NRG1: variants seen among roughly 807,000 people sequenced by gnomAD.
NRG1 encodes the protein pro-neuregulin-1, membrane-bound isoform.
A neutral mutation model predicts 63.8 loss-of-function variants in NRG1; 18 were observed. The observed-to-expected ratio is 0.28, with a 90% CI of 0.19 to 0.42. The LOEUF (loss-of-function observed/expected upper bound fraction) is 0.42. Among genes scored for constraint, NRG1 ranks in the 10% least tolerant of loss-of-function variants. The probability of loss-of-function intolerance (pLI) is 1.00; values close to 1 mark genes in which losing one functional copy is unlikely to be tolerated. For missense variants in NRG1, 762 were observed against 814.7 expected (o/e 0.94, Z 0.79); for synonymous variants, 302 against 301.3 (o/e 1.00, Z -0.02).
At chr8:32,311,381 AG>A (rs1185968862) in intron 1 of NRG1, among the ~76,000 whole-genome samples, 1 of 152,192 alleles carries the variant, frequency 6.6e-6, no homozygotes, top group Non-Finnish European at 1.5e-5. Flanking sequence ...GGTCAGGCAA[AG>A]CTTTGCCAAA....
chr8:31,811,162 C>A (rs566282832), intron 1 of NRG1, among the ~76,000 whole-genome samples: 9 of 152,344 alleles, frequency 5.9e-5, no homozygotes, highest in Non-Finnish European at 8.8e-5. Context: ...ACTAGACCAG[C>A]TGTTCACACC....
At chr8:32,261,002 C>T (rs1405993228) in intron 1 of NRG1, among the ~76,000 whole-genome samples, 2 of 152,112 alleles carry the variant, frequency 1.3e-5, no homozygotes, top group Non-Finnish European at 2.9e-5. Context: ...AAAATAAACA[C>T]TTTAATAGTT....
At chr8:31,855,131 C>T (rs1403314825) in intron 1 of NRG1, among the ~76,000 whole-genome samples, 1 of 151,974 alleles carries the variant, frequency 6.6e-6, no homozygotes, top group African/African-American at 2.4e-5. Flanking sequence ...ATTAGGTCTG[C>T]TTGGTGCAGA....
intron 1 of NRG1, among the ~76,000 whole-genome samples, chr8:32,417,774 G>C (rs558631307): frequency 1.3e-5 from 2 of 152,228 alleles, no homozygotes; most frequent in Non-Finnish European, 2.9e-5. Flanking sequence ...AGATCATTTA[G>C]CTTAAGAGTT....
intron 1 of NRG1, chr8:31,639,998 G>T (rs1156678548): frequency 3.0e-5 from 34 of 1,125,898 alleles, no homozygotes; most frequent in Non-Finnish European, 3.5e-5. Context: ...AGATGGCGAC[G>T]CGCCCCGCGC....
chr8:32,461,566 C>T (rs769603071), intron 1 of NRG1, among the ~76,000 whole-genome samples: 10 of 151,950 alleles, frequency 6.6e-5, no homozygotes, highest in African/African-American at 9.7e-5. Context: ...GGTGTGGTGG[C>T]GGGCGCCTGT....
chr8:31,987,548 C>T (rs143024234), intron 1 of NRG1, among the ~76,000 whole-genome samples: 2,327 of 151,842 alleles, frequency 0.015, 30 homozygotes, highest in Middle Eastern at 0.054. Flanking sequence ...ACTGAGTATG[C>T]ATGTACACAA....
chr8:32,678,991 G>A (rs920947611), intron 5 of NRG1, among the ~76,000 whole-genome samples: 3 of 151,708 alleles, frequency 2.0e-5, no homozygotes, highest in African/African-American at 4.8e-5. Flanking sequence ...AAAAAGAATG[G>A]CATTAAAAAA....
In NRG1 at chr8:32,758,232, C is replaced by T. The variant is rs978895519; in HGVS notation, c.922-1074C>T. 7.2e-5 allele frequency among the ~76,000 whole-genome samples: 11 copies of T among 152,056 alleles called. No homozygotes were observed. In the South Asian group the frequency reaches 2.3e-3, roughly 32 times the overall value. ...TTAAAACACAACTTCAAAAAGGGGC[C>T]TCCCTCCCTAATAGAAACAGTAAAA... On this transcript the variant is annotated intron_variant, in intron 9 of 11. Transcript: ENST00000356819.
At chr8:32,297,485 G>C (rs1213262526) in intron 1 of NRG1, among the ~76,000 whole-genome samples, 1 of 152,180 alleles carries the variant, frequency 6.6e-6, no homozygotes, top group Non-Finnish European at 1.5e-5. Flanking sequence ...CAAGGTATTG[G>C]GTTGAAAAGA....
In NRG1 at chr8:32,390,430, ACCAGGCGTGGTGATGAGCACCTGTAGT is replaced by A. The variant is rs1352805557; in HGVS notation, c.38-205391_38-205365del. ...ACTCCATCTCTACAAAAAATAAACAACCAGGCGTGGTGATGAGCACCTGTAGTCCAGGCATGGTGGTGAGCACCTTTA... is the reference window on the plus strand; with the variant it reads ...ACTCCATCTCTACAAAAAATAAACAACCAGGCATGGTGGTGAGCACCTTTA... On this transcript the variant is annotated intron_variant, in intron 1 of 10. Transcript: ENST00000519301. Among the ~76,000 whole-genome samples the A allele has an allele frequency of 3.3e-5, 5 of 151,802 alleles. No individual in the cohort carries two copies. In the East Asian group the frequency reaches 9.7e-4, roughly 30 times the overall value.
chr8:32,571,575 C>T lies in NRG1; in HGVS notation c.100+22749C>T, dbSNP rs1317243520. Among the ~76,000 whole-genome samples, 3 of 152,118 alleles carry T rather than the reference C, an allele frequency of 2.0e-5. No individual in the cohort carries two copies. The East Asian group carries it at 5.8e-4, about 29-fold the overall frequency. On this transcript the variant is annotated intron_variant, in intron 1 of 11. Coordinates refer to ENST00000356819, the Ensembl canonical transcript of NRG1. ...ATTCTTTTGCCTTCGTATCAGCCAG[C>T]AGAAGCTAGTTTTTTGTTTTGTTTT...
chr8:32,263,383 G>A (rs1346763929), intron 1 of NRG1, among the ~76,000 whole-genome samples: 1 of 152,136 alleles, frequency 6.6e-6, no homozygotes, highest in South Asian at 2.1e-4. Context: ...ACATGCATGT[G>A]TGAGCGATAA....
chr8:31,726,453 T>C (rs1813452570), intron 1 of NRG1, among the ~76,000 whole-genome samples: 1 of 152,134 alleles, frequency 6.6e-6, no homozygotes, highest in Non-Finnish European at 1.5e-5. Flanking sequence ...GCATGTAACT[T>C]AAGAAACTTA....
At position 32,163,337 on chromosome 8, in the gene NRG1, A is replaced by T. The variant is rs1364632324; in HGVS notation, c.38-432491A>T. ...CCCTCAAGGGAACTGTTTGCTAAAG[A>T]TTGGCAGGAGCCCACAAGACTACGA... On this transcript the variant is annotated intron_variant, in intron 1 of 10. Coordinates refer to the NRG1 transcript ENST00000519301. 3.3e-5 allele frequency among the ~76,000 whole-genome samples: 5 copies of T among 152,308 alleles called. No homozygotes were observed. The East Asian group carries it at 5.8e-4, about 18-fold the overall frequency.
intron 1 of NRG1, among the ~76,000 whole-genome samples, chr8:32,478,170 C>T (rs889645961): frequency 2.0e-5 from 3 of 152,222 alleles, no homozygotes; most frequent in Admixed American, 6.5e-5. Context: ...TGCATAATAA[C>T]TCAGCAGTAG....
chr8:31,749,291 A>G (rs1244486310), intron 1 of NRG1, among the ~76,000 whole-genome samples: 2 of 151,910 alleles, frequency 1.3e-5, no homozygotes, highest in Non-Finnish European at 2.9e-5. Flanking sequence ...TATTAGTTTT[A>G]CAATCTAGAA....
intron 5 of NRG1, among the ~76,000 whole-genome samples, chr8:32,661,812 C>T (rs556532189): frequency 9.2e-5 from 14 of 152,004 alleles, no homozygotes; most frequent in South Asian, 2.1e-4. Flanking sequence ...TCTTAGCAGG[C>T]AGTACATCAT....
intron 1 of NRG1, among the ~76,000 whole-genome samples, chr8:31,922,522 C>T (rs1221209573): frequency 6.6e-6 from 1 of 152,160 alleles, no homozygotes; most frequent in African/African-American, 2.4e-5. Context: ...GCCATAAAGT[C>T]ACCTCTATGT....
Sources: allele counts gnomAD v4.1 joint callset (sites outside exome capture counted in the v4.1 genomes callset), GRCh38; gene constraint gnomAD v4.1.1; transcripts MANE v1.5; gene names NCBI Gene and HGNC (gene_info 2026-07-23, HGNC 2026-07-21).